HS3ST5: variants seen among roughly 807,000 people sequenced by gnomAD.
The protein encoded by HS3ST5 is heparan sulfate glucosamine 3-O-sulfotransferase 5.
A neutral mutation model predicts 25.4 loss-of-function variants in HS3ST5; 10 were observed. That is an observed-to-expected ratio of 0.39 (90% CI 0.24 to 0.67). The LOEUF is 0.67. HS3ST5 is among the 30% of genes least tolerant of loss of function. HS3ST5 has a pLI of 0.44. For synonymous variants in HS3ST5, 170 were observed against 162.4 expected (o/e 1.05, Z -0.36); for missense variants, 324 against 420.7 (o/e 0.77, Z 2.01).
At chr6:114,159,176 T>G (rs1519683) in intron 3 of HS3ST5, among the ~76,000 whole-genome samples, 147,791 of 152,270 alleles carry the variant, frequency 0.97, 71,887 homozygotes, top group Non-Finnish European at 1. Flanking sequence ...CATGAAAACT[T>G]GTTGGCCATA....
intron 3 of HS3ST5, among the ~76,000 whole-genome samples, chr6:114,092,678 T>A (rs889198081): frequency 1.0e-4 from 14 of 136,228 alleles, no homozygotes; most frequent in Admixed American, 5.0e-4. Context: ...TTATTTATTT[T>A]GTTTTTTTTT....
intron 1 of HS3ST5, among the ~76,000 whole-genome samples, chr6:114,290,197 A>G (rs1325679091): frequency 6.6e-6 from 1 of 152,168 alleles, no homozygotes; most frequent in African/African-American, 2.4e-5. Flanking sequence ...TTAGAATCTA[A>G]TTACCATGCC....
At chr6:114,175,077 G>A (rs991155223) in intron 2 of HS3ST5, among the ~76,000 whole-genome samples, 2 of 152,176 alleles carry the variant, frequency 1.3e-5, no homozygotes, top group African/African-American at 2.4e-5. Context: ...TTGAGTTTAA[G>A]ATACAGACTT....
At chr6:114,239,737 GAA>G (rs1451381055) in intron 1 of HS3ST5, among the ~76,000 whole-genome samples, 1 of 152,162 alleles carries the variant, frequency 6.6e-6, no homozygotes, top group African/African-American at 2.4e-5. Context: ...AGCTGTATCT[GAA>G]AGACTGCCTA....
intron 3 of HS3ST5, among the ~76,000 whole-genome samples, chr6:114,111,126 A>G (rs1046628990): frequency 2.0e-5 from 3 of 152,190 alleles, no homozygotes; most frequent in Non-Finnish European, 4.4e-5. Context: ...AAAAAAGTAT[A>G]TGCATGGGCC....
chr6:114,133,286 G>T (rs1777436417), intron 3 of HS3ST5, among the ~76,000 whole-genome samples: 1 of 152,240 alleles, frequency 6.6e-6, no homozygotes, highest in South Asian at 2.1e-4. Context: ...CTGCCTCCAC[G>T]AAGTTCCAGG....
intron 2 of HS3ST5, among the ~76,000 whole-genome samples, chr6:114,209,961 T>G (rs1781442036): frequency 6.6e-6 from 1 of 152,184 alleles, no homozygotes; most frequent in African/African-American, 2.4e-5. Flanking sequence ...TAAAAAAATC[T>G]ATTAAAATTA....
intron 3 of HS3ST5, among the ~76,000 whole-genome samples, chr6:114,150,377 A>G (rs1489650953): frequency 6.6e-6 from 1 of 152,202 alleles, no homozygotes; most frequent in African/African-American, 2.4e-5. Context: ...TCAATGTTTG[A>G]CTTATTAAAG....
intron 3 of HS3ST5, among the ~76,000 whole-genome samples, chr6:114,127,464 A>G (rs1196081849): frequency 6.6e-5 from 10 of 152,156 alleles, no homozygotes; most frequent in Admixed American, 6.5e-4. Context: ...AGAAACAAAT[A>G]GTAACCTAAC....
intron 1 of HS3ST5, among the ~76,000 whole-genome samples, chr6:114,290,947 A>G (rs1023694387): frequency 2.0e-5 from 3 of 152,096 alleles, no homozygotes; most frequent in African/African-American, 4.8e-5. Flanking sequence ...TGATTGCACT[A>G]TCAAGCAGCA....
chr6:114,111,653 C>G (rs140722698), intron 3 of HS3ST5, among the ~76,000 whole-genome samples: 4 of 152,266 alleles, frequency 2.6e-5, no homozygotes, highest in Non-Finnish European at 4.4e-5. Flanking sequence ...GCTGGGTTTA[C>G]TTTTCAGGAA....
At chr6:114,313,370 A>C (rs770116229) in intron 1 of HS3ST5, among the ~76,000 whole-genome samples, 1 of 152,218 alleles carries the variant, frequency 6.6e-6, no homozygotes, top group Non-Finnish European at 1.5e-5. Context: ...ACGTGTTCAC[A>C]AAAAGATCTG....
chr6:114,263,933 G>A (rs1349911252), intron 1 of HS3ST5, among the ~76,000 whole-genome samples: 1 of 151,630 alleles, frequency 6.6e-6, no homozygotes, highest in East Asian at 1.9e-4. Context: ...ACACAGCCAT[G>A]GTATCTCAAT....
intron 2 of HS3ST5, among the ~76,000 whole-genome samples, chr6:114,178,201 AT>A (rs1476028643): frequency 5.3e-5 from 8 of 152,152 alleles, no homozygotes; most frequent in Non-Finnish European, 7.3e-5. Flanking sequence ...AAAATCAGGC[AT>A]ATTTCTAAAG....
chr6:114,160,025 A>T (rs1778866704), intron 3 of HS3ST5, among the ~76,000 whole-genome samples: 2 of 152,190 alleles, frequency 1.3e-5, no homozygotes. Flanking sequence ...CACAAGATTC[A>T]GAATTTTGTA....
intron 1 of HS3ST5, among the ~76,000 whole-genome samples, chr6:114,255,293 G>A (rs1772854774): frequency 6.6e-6 from 1 of 152,202 alleles, no homozygotes; most frequent in Non-Finnish European, 1.5e-5. Flanking sequence ...TGATGTAAGA[G>A]GTGGCTTCCT....
chr6:114,078,885 C>T (rs1344774576), intron 3 of HS3ST5, among the ~76,000 whole-genome samples: 1 of 152,072 alleles, frequency 6.6e-6, no homozygotes, highest in Non-Finnish European at 1.5e-5. Flanking sequence ...TTCAATAAAG[C>T]GAAAATTGCA....
intron 3 of HS3ST5, among the ~76,000 whole-genome samples, chr6:114,164,822 C>T (rs1779131162): frequency 6.6e-6 from 1 of 152,104 alleles, no homozygotes; most frequent in Non-Finnish European, 1.5e-5. Flanking sequence ...CAATTAAGTG[C>T]TAAGAAACAG....
intron 1 of HS3ST5, among the ~76,000 whole-genome samples, chr6:114,235,990 T>A (rs1039285903): frequency 6.6e-6 from 1 of 152,222 alleles, no homozygotes; most frequent in Non-Finnish European, 1.5e-5. Flanking sequence ...CAGCTCCTAA[T>A]GAGTCTGACC....
Sources: gnomAD v4.1 joint callset for allele counts (sites outside exome capture counted in the v4.1 genomes callset) on GRCh38, gnomAD v4.1.1 for gene constraint, MANE v1.5 for transcripts, NCBI Gene and HGNC (gene_info 2026-07-23, HGNC 2026-07-21) for gene names.